RBMS3: variants seen among roughly 807,000 people sequenced by gnomAD.
RBMS3 encodes RNA-binding motif, single-stranded-interacting protein 3.
Under a neutral mutation model 66.8 loss-of-function variants are expected in RBMS3, and 27 were observed. The observed-to-expected ratio is 0.40, with a 90% CI of 0.30 to 0.56. The LOEUF is 0.56. Ranked by LOEUF, RBMS3 falls within the 20% of genes least tolerant of loss-of-function variation. The pLI is 0.40. For synonymous variants in RBMS3, 188 were observed against 183.0 expected, an observed-to-expected ratio of 1.03 and a Z score of -0.22; for missense variants, 513 against 549.5, an observed-to-expected ratio of 0.93 and a Z score of 0.66.
chr3:29,390,565 T>A (rs1218084055), intron 1 of RBMS3, among the ~76,000 whole-genome samples: 5 of 151,262 alleles, frequency 3.3e-5, no homozygotes. Context: ...AAAAAAAAAA[T>A]GAAAAGACAT....
intron 12 of RBMS3, among the ~76,000 whole-genome samples, chr3:29,948,043 A>G (rs936157584): frequency 4.0e-5 from 6 of 151,640 alleles, no homozygotes; most frequent in African/African-American, 1.4e-4. Flanking sequence ...CTTGTGGAGC[A>G]TATTTTCATT....
At chr3:29,420,099 G>T (rs748221175) in intron 1 of RBMS3, among the ~76,000 whole-genome samples, 30 of 152,178 alleles carry the variant, frequency 2.0e-4, no homozygotes, top group Non-Finnish European at 3.5e-4. Context: ...TGTTAGTAAA[G>T]ATACTTTAAT....
intron 2 of RBMS3, among the ~76,000 whole-genome samples, chr3:29,476,643 T>G (rs776920006): frequency 1.3e-5 from 2 of 152,210 alleles, no homozygotes; most frequent in South Asian, 4.1e-4. Context: ...TCTCTTTCAC[T>G]TGGGTACTTC....
At chr3:29,548,121 G>C (rs576020472) in intron 3 of RBMS3, among the ~76,000 whole-genome samples, 38 of 152,072 alleles carry the variant, frequency 2.5e-4, no homozygotes, top group Admixed American at 1.0e-3. Context: ...TCTTAGGAAA[G>C]AAATCCATCC....
intron 1 of RBMS3, among the ~76,000 whole-genome samples, chr3:29,311,130 T>C (rs1479035974): frequency 1.3e-5 from 2 of 151,788 alleles, no homozygotes; most frequent in Non-Finnish European, 2.9e-5. Context: ...CCAGTGAGCA[T>C]GGCACTGGTT....
At chr3:29,399,528 A>G (rs1268854616) in intron 1 of RBMS3, among the ~76,000 whole-genome samples, 1 of 152,192 alleles carries the variant, frequency 6.6e-6, no homozygotes, top group Non-Finnish European at 1.5e-5. Flanking sequence ...GAAAAGTTGC[A>G]AACATCCATG....
chr3:29,771,008 G>C (rs2056177009), intron 6 of RBMS3, among the ~76,000 whole-genome samples: 1 of 151,926 alleles, frequency 6.6e-6, no homozygotes, highest in African/African-American at 2.4e-5. Context: ...CATCATTTAT[G>C]ATCTAATTTT....
At chr3:29,353,306 G>T (rs1444980842) in intron 1 of RBMS3, among the ~76,000 whole-genome samples, 1 of 151,638 alleles carries the variant, frequency 6.6e-6, no homozygotes, top group African/African-American at 2.4e-5. Context: ...TAAATGTGAT[G>T]GTGGCATTTG....
intron 6 of RBMS3, among the ~76,000 whole-genome samples, chr3:29,838,173 C>CAAA (rs71091080): frequency 6.1e-4 from 51 of 82,980 alleles, no homozygotes; most frequent in South Asian, 1.2e-3. Flanking sequence ...CTCATCTCTA[C>CAAA]AAAAAAAAAA....
chr3:29,509,016 T>C (rs2044291558), intron 3 of RBMS3, among the ~76,000 whole-genome samples: 1 of 151,990 alleles, frequency 6.6e-6, no homozygotes, highest in Non-Finnish European at 1.5e-5. Context: ...AAGTGTCTGT[T>C]CATATCCTTT....
At chr3:29,852,167 C>A (rs989467165) in intron 6 of RBMS3, among the ~76,000 whole-genome samples, 3 of 152,124 alleles carry the variant, frequency 2.0e-5, no homozygotes, top group Non-Finnish European at 4.4e-5. Context: ...ACACCATATA[C>A]AAAAATTAAC....
Position 29,863,889 on chromosome 3 carries a change from A to G in RBMS3, c.638-4969A>G, listed in dbSNP as rs1454181975. ...TAAATGTTTTTATGCCAGTCGGTAG[A>G]AGAAATATTAGTGTAAATAACTCAT... On this transcript the variant is annotated intron_variant, in intron 6 of 14. Transcript: ENST00000383767. 3.9e-5 allele frequency among the ~76,000 whole-genome samples: 6 copies of G among 152,322 alleles called. No homozygotes were observed. In the South Asian group the frequency reaches 1.2e-3, roughly 32 times the overall value.
intron 5 of RBMS3, among the ~76,000 whole-genome samples, chr3:29,748,627 G>A (rs2055033757): frequency 6.6e-6 from 1 of 152,132 alleles, no homozygotes; most frequent in African/African-American, 2.4e-5. Context: ...AAACTACCCT[G>A]GGCATGGATG....
intron 1 of RBMS3, among the ~76,000 whole-genome samples, chr3:29,376,600 G>A (rs997150320): frequency 2.9e-4 from 44 of 151,992 alleles, no homozygotes; most frequent in African/African-American, 7.7e-4. Context: ...GTGAAACTTC[G>A]TCTCTACTAA....
chr3:29,388,491 A>C (rs2039117291), intron 1 of RBMS3, among the ~76,000 whole-genome samples: 1 of 152,216 alleles, frequency 6.6e-6, no homozygotes, highest in South Asian at 2.1e-4. Flanking sequence ...GGCCACGTTA[A>C]AGAAACACTG....
chr3:29,473,596 G>A (rs1027690662), intron 2 of RBMS3, among the ~76,000 whole-genome samples: 24 of 152,328 alleles, frequency 1.6e-4, no homozygotes, highest in Admixed American at 1.2e-3. Flanking sequence ...AGGAGCCCAC[G>A]GAGGAGGGGA....
intron 7 of RBMS3, among the ~76,000 whole-genome samples, chr3:29,881,026 C>T (rs865896557): frequency 6.6e-6 from 1 of 150,936 alleles, no homozygotes; most frequent in African/African-American, 2.4e-5. Flanking sequence ...GTAGCTCCCC[C>T]AAGAGGAGCT....
chr3:29,395,438 T>C (rs947370411), intron 1 of RBMS3, among the ~76,000 whole-genome samples: 2 of 152,090 alleles, frequency 1.3e-5, no homozygotes, highest in African/African-American at 4.8e-5. Flanking sequence ...AAAATGGGGG[T>C]AATTCCTGTT....
intron 1 of RBMS3, among the ~76,000 whole-genome samples, chr3:29,358,251 T>G (rs139923279): frequency 0.11 from 16,794 of 152,122 alleles, 1,085 homozygotes; most frequent in East Asian, 0.22. Context: ...TCCAGTTTCA[T>G]CTTTCTACTT....
Sources: gnomAD v4.1 joint callset for allele counts (sites outside exome capture counted in the v4.1 genomes callset) on GRCh38, gnomAD v4.1.1 for gene constraint, MANE v1.5 for transcripts, NCBI Gene and HGNC (gene_info 2026-07-23, HGNC 2026-07-21) for gene names.